The following UPF2 variants were observed in gnomAD, a reference collection of about 807,000 sequenced individuals.
UPF2 encodes the protein UPF2 regulator of nonsense mediated mRNA decay.
A neutral mutation model predicts 141.4 loss-of-function variants in UPF2; 17 were observed. The ratio of observed to expected loss-of-function variants is 0.12; its 90% CI spans 0.08 to 0.18. The LOEUF (loss-of-function observed/expected upper bound fraction) is 0.18, where lower values mean the gene tolerates loss of function less well. Ranked by LOEUF, UPF2 falls within the 10% of genes least tolerant of loss-of-function variation. UPF2 has a pLI of 1.00. For synonymous variants in UPF2, 540 were observed against 498.0 expected, an observed-to-expected ratio of 1.08 and a Z score of -1.12; for missense variants, 1,152 against 1,515.9, an observed-to-expected ratio of 0.76 and a Z score of 3.99.
At chr10:11,970,814 A>AAAAT (rs1217317327) in intron 9 of UPF2, among the ~76,000 whole-genome samples, 173 of 152,180 alleles carry the variant, frequency 1.1e-3, no homozygotes, top group African/African-American at 3.3e-3. Context: ...TCTAACTCAA[A>AAAAT]AAATAAATAA....
At chr10:11,945,734 G>A (rs1420810070) in intron 16 of UPF2, among the ~76,000 whole-genome samples, 1 of 152,102 alleles carries the variant, frequency 6.6e-6, no homozygotes, top group Non-Finnish European at 1.5e-5. Flanking sequence ...CTCTTCAAAT[G>A]AGAAATTAAT....
At position 11,955,336 on chromosome 10, in the gene UPF2, G is replaced by A; in HGVS notation, c.2746C>T (p.Leu916Phe). ...GTGCATACGAGTCTAATTCTGAAAA[G>A]ATGCTCAGGTGGGTCCAGGGAACTT... ...SPSSLDPPEH[L>F]FRIRLVCTIL... The change falls in exon 14 of 22, where the codon CTT (leucine) becomes TTT (phenylalanine). Residue 916 changes from leucine to phenylalanine, a missense_variant. Leu to Phe is a conservative substitution (Grantham distance 22, BLOSUM62 0). Around this residue, in one of 4 missense-constraint regions of UPF2, gnomAD observed 739 missense variants for 1,032.2 expected, o/e 0.72. Transcript: ENST00000357604. 1.9e-6 allele frequency: 3 copies of A among 1,614,180 alleles called. No homozygotes were observed. The highest frequency in any genetic ancestry group is 2.5e-6 in the Non-Finnish European group (3 of 1,180,042).
At chr10:12,034,425 C>G (rs1277385890) in intron 2 of UPF2, among the ~76,000 whole-genome samples, 1 of 151,922 alleles carries the variant, frequency 6.6e-6, no homozygotes, top group Non-Finnish European at 1.5e-5. Flanking sequence ...TAGGTTCAAG[C>G]GATTCTCCTA....
At chr10:11,922,713 A>G (rs1220114835) in intron 21 of UPF2, among the ~76,000 whole-genome samples, 1 of 152,198 alleles carries the variant, frequency 6.6e-6, no homozygotes, top group Non-Finnish European at 1.5e-5. Context: ...ATTAAATGCA[A>G]TTCTACAATG....
Position 12,014,077 on chromosome 10 carries a change from T to A in UPF2, c.1253A>T (p.Asp418Val), listed in dbSNP as rs764818690. ...KLLANSQSLA[D>V]LLDENMPDLP... The stretch of plus-strand genomic sequence containing the variant: ...ATCTGGCATATTTTCATCCAAAAGG[T>A]CTGCTAAGGATTGAGAATTTGCCAG... The change falls in exon 4 of 22, where the codon GAC (aspartate) becomes GTC (valine). Residue 418 changes from aspartate to valine, a missense_variant. Physicochemically the swap from Asp to Val is radical, Grantham distance 152. Transcript: ENST00000357604. This position sits in a 1 kb window ranked among gnomAD's most constrained non-coding sequence, Gnocchi z 5.0. The A allele has an allele frequency of 3.1e-6, 5 of 1,596,404 alleles. No homozygotes were observed.
rs1834479059 is a variant in UPF2, at chr10:12,029,557, C to G, written c.366-33G>C. On this transcript the variant is annotated intron_variant, in intron 2 of 21. Coordinates refer to ENST00000357604, the MANE Select transcript of UPF2 (RefSeq NM_015542.4). ...AAAACAAACAAATAAATAAAATACT[C>G]TCTACATTTTGAAGCATTATACACA... 2.0e-6 allele frequency: 3 copies of G among 1,538,438 alleles called. No individual in the cohort carries two copies. The South Asian group carries it at 3.8e-5, about 19-fold the overall frequency.
Position 11,992,996 on chromosome 10 carries a change from A to G in UPF2, c.1844+4676T>C, listed in dbSNP as rs1833804712. Among the ~76,000 whole-genome samples, 1 of 152,040 alleles carries G rather than the reference A, an allele frequency of 6.6e-6. No individual in the cohort carries two copies. The highest frequency in any genetic ancestry group is 1.5e-5 in the Non-Finnish European group (1 of 67,994). The stretch of plus-strand genomic sequence containing the variant: ...AAACCCCGTTTCTACTAAAACTACA[A>G]AAAATTACCCGGGCGTGGTGGTACA... On this transcript the variant is annotated intron_variant, in intron 8 of 21. Coordinates refer to ENST00000357604, the MANE Select transcript of UPF2 (RefSeq NM_015542.4). The surrounding 1 kb of genome is among the most constrained non-coding windows in gnomAD (Gnocchi z 4.1).
At position 11,998,928 on chromosome 10, in the gene UPF2, G is replaced by A. The variant is rs1038947184; in HGVS notation, c.1758+978C>T. Among the ~76,000 whole-genome samples, 1 of 151,930 alleles carries A rather than the reference G, an allele frequency of 6.6e-6. No homozygotes were observed. The highest frequency in any genetic ancestry group is 2.4e-5 in the African/African-American group (1 of 41,356). ...TAGTCCCAGCTACTCAGGAGGCTGA[G>A]GCAGGAGAATCACTTGAATCTGGGA... is the stretch of plus-strand genomic sequence containing the variant. On this transcript the variant is annotated intron_variant, in intron 7 of 21. Transcript: ENST00000357604. This position sits in a 1 kb window ranked among gnomAD's most constrained non-coding sequence, Gnocchi z 4.5.
At chr10:11,954,590 C>T (rs531465102) in intron 14 of UPF2, among the ~76,000 whole-genome samples, 27 of 149,386 alleles carry the variant, frequency 1.8e-4, no homozygotes, top group African/African-American at 5.7e-4. Context: ...GCTGAGATTG[C>T]ACCACTGCAC....
intron 9 of UPF2, among the ~76,000 whole-genome samples, chr10:11,968,708 G>A (rs1443165394): frequency 1.3e-5 from 2 of 152,116 alleles, no homozygotes; most frequent in African/African-American, 2.4e-5. Flanking sequence ...ACAAAATCCT[G>A]CTGCAACAGT....
At chr10:12,013,969 G>A (rs1012192484) in intron 4 of UPF2, 55 bp downstream of exon 4, 6 of 1,410,232 alleles carry the variant, frequency 4.3e-6, no homozygotes, top group African/African-American at 1.5e-5. Context: ...AAGCCTAAAG[G>A]TAAGTGACAG....
intron 3 of UPF2, among the ~76,000 whole-genome samples, chr10:12,021,646 G>C (rs1205695271): frequency 6.6e-6 from 1 of 152,152 alleles, no homozygotes; most frequent in Non-Finnish European, 1.5e-5. Context: ...TTAATCATTA[G>C]CCAAATTAAA....
At position 12,042,231 on chromosome 10, in the gene UPF2, G is replaced by C. The variant is rs1282762066; in HGVS notation, c.-19+524C>G. 1.3e-5 allele frequency among the ~76,000 whole-genome samples: 2 copies of C among 151,658 alleles called. No homozygotes were observed. The highest frequency in any genetic ancestry group is 6.6e-5 in the Admixed American group (1 of 15,226). On this transcript the variant is annotated intron_variant, in intron 1 of 21. Transcript: ENST00000357604. The surrounding 1 kb of genome is among the most constrained non-coding windows in gnomAD (Gnocchi z 5.5). ...CCCGACACAACTCCCCTTCCCACAG[G>C]TATCCACGGTCACCTTCGCGGACCA...
intron 18 of UPF2, among the ~76,000 whole-genome samples, chr10:11,938,866 T>TGTTTTTTTTTTTTG (rs1180833674): frequency 1.1e-5 from 1 of 88,652 alleles, no homozygotes; most frequent in East Asian, 5.5e-4. Flanking sequence ...TTTTTTTTTT[T>TGTTTTTTTTTTTTG]TTTTTTTTTT....
intron 10 of UPF2, among the ~76,000 whole-genome samples, chr10:11,964,951 A>G (rs1350092158): frequency 2.0e-5 from 3 of 152,244 alleles, no homozygotes; most frequent in Non-Finnish European, 4.4e-5. Context: ...ACACAGCCTG[A>G]AAGTAATTTA....
chr10:12,027,005 T>C (rs1299161881), intron 3 of UPF2, among the ~76,000 whole-genome samples: 2 of 152,176 alleles, frequency 1.3e-5, no homozygotes, highest in East Asian at 3.8e-4. Context: ...CTGTGTTTCA[T>C]TAAATTGTGA....
chr10:11,926,739 T>G (rs919208347), intron 21 of UPF2, among the ~76,000 whole-genome samples: 8 of 151,974 alleles, frequency 5.3e-5, no homozygotes, highest in Non-Finnish European at 8.8e-5. Context: ...GCCACTGGGG[T>G]GGGCAATGCC....
chr10:11,972,395 T>C (rs1445784930), intron 9 of UPF2, among the ~76,000 whole-genome samples: 1 of 152,202 alleles, frequency 6.6e-6, no homozygotes, highest in Non-Finnish European at 1.5e-5. Flanking sequence ...TTTTTATTAT[T>C]ATTATACTTT....
chr10:11,969,796 C>A (rs1833385649), intron 9 of UPF2, among the ~76,000 whole-genome samples: 1 of 152,200 alleles, frequency 6.6e-6, no homozygotes, highest in South Asian at 2.1e-4. Flanking sequence ...CTGCCTGTTA[C>A]TTAACCTGTG....
Sources: allele counts gnomAD v4.1 joint callset (sites outside exome capture counted in the v4.1 genomes callset), GRCh38; gene constraint gnomAD v4.1.1; regional missense constraint gnomAD v4.1.1; non-coding constraint Gnocchi (gnomAD v3.1); transcripts MANE v1.5; gene names NCBI Gene and HGNC (gene_info 2026-07-23, HGNC 2026-07-21).